The following PNPLA7 variants were observed in gnomAD, a reference collection of about 807,000 sequenced individuals.
The protein encoded by PNPLA7 is patatin like domain 7, lysophospholipase.
In PNPLA7, 153 loss-of-function variants were observed where a neutral mutation model predicts 161.7. That is an observed-to-expected ratio of 0.95 (90% CI 0.83 to 1.08). The LOEUF is 1.08. PNPLA7 is among the 50% of genes least tolerant of loss of function. The pLI is 0.00. For missense variants in PNPLA7, 1,739 were observed against 1,856.6 expected (o/e 0.94, Z 1.16); for synonymous variants, 809 against 782.1 (o/e 1.03, Z -0.57).
At chr9:137,488,160 G>T (rs896465015) in intron 20 of PNPLA7, among the ~76,000 whole-genome samples, 6 of 152,216 alleles carry the variant, frequency 3.9e-5, no homozygotes, top group Admixed American at 2.6e-4. Context: ...GTCTCGTCCC[G>T]AGCTTCACTT....
intron 8 of PNPLA7, among the ~76,000 whole-genome samples, chr9:137,526,096 A>T (rs1218354572): frequency 6.6e-6 from 1 of 152,102 alleles, no homozygotes; most frequent in Admixed American, 6.6e-5. Flanking sequence ...TTCTAGTTCC[A>T]GTATAACTAT....
chr9:137,546,007 T>C (rs538768348), intron 4 of PNPLA7, among the ~76,000 whole-genome samples: 5 of 152,096 alleles, frequency 3.3e-5, no homozygotes, highest in Non-Finnish European at 5.9e-5. Flanking sequence ...TCAGTCAGGT[T>C]CGCCCGCAGT....
intron 15 of PNPLA7, among the ~76,000 whole-genome samples, chr9:137,501,293 C>T (rs1833399965): frequency 6.6e-6 from 1 of 152,214 alleles, no homozygotes; most frequent in African/African-American, 2.4e-5. Flanking sequence ...GCCCCCGGCA[C>T]ACGCCACGCG....
chr9:137,479,497 C>A (rs890042074), intron 23 of PNPLA7: 12 of 1,200,546 alleles, frequency 1.0e-5, no homozygotes, highest in Non-Finnish European at 1.1e-5. Flanking sequence ...TCTAACACTG[C>A]CTCATAAACA....
At position 137,479,116 on chromosome 9, in the gene PNPLA7, G is replaced by A. The variant is rs557017250; in HGVS notation, c.2703C>T (p.Ser901=). ...GCGGGCAGCAGAGGTGCAGGTGGCC[G>A]GAGCACCAGCTCCGCATGTTGAGCC... ...VEWLNMRSWC[S]GHLHLCCPRR... The change falls in exon 24 of 35, where the codon TCC becomes TCT. Residue 901 remains serine (S), a synonymous_variant. Transcript: ENST00000406427. The A allele has an allele frequency of 2.2e-4, 352 of 1,598,740 alleles. 6 individuals carry two copies. In the South Asian group the frequency reaches 3.3e-3, roughly 15 times the overall value.
intron 8 of PNPLA7, 96 bp from the exon 9 acceptor site, chr9:137,522,953 G>T: frequency 6.6e-7 from 1 of 1,525,742 alleles, no homozygotes; most frequent in Non-Finnish European, 8.9e-7. Flanking sequence ...GGCCCCGCCT[G>T]CTGCCCAGTC....
At position 137,537,156 on chromosome 9, in the gene PNPLA7, T is replaced by C. The variant is rs1349310448; in HGVS notation, c.747+3486A>G. 1.3e-5 allele frequency among the ~76,000 whole-genome samples: 2 copies of C among 152,240 alleles called. No homozygotes were observed. Among genetic ancestry groups the C allele is most frequent in the South Asian group, 2.1e-4 (1 of 4,834 alleles). On this transcript the variant is annotated intron_variant, in intron 8 of 34. Transcript: ENST00000406427. The surrounding 1 kb of genome is among the most constrained non-coding windows in gnomAD (Gnocchi z 4.5). The stretch of plus-strand genomic sequence containing the variant: ...AGTGTGAGGGGACAGACGGCCACTG[T>C]TGATAAAACTTTAAGTATGTTTTTA...
At position 137,550,367 on chromosome 9, in the gene PNPLA7, GAAGAA is replaced by G. The variant is rs1297970808; in HGVS notation, c.-175_-171del. On this transcript the variant is annotated 5_prime_UTR_variant, in exon 1 of 35. An upstream open reading frame in the 5' UTR loses its in-frame stop. Coordinates refer to ENST00000406427, the MANE Select transcript of PNPLA7 (RefSeq NM_001098537.3). Reference sequence around the variant, plus strand: ...CCTGCTGAAAAAGTCTGTTCTCCAGGAAGAAAAGCTGTCTTTTGAGAAGTGTCTGT... The same window carrying G: ...CCTGCTGAAAAAGTCTGTTCTCCAGGAAGCTGTCTTTTGAGAAGTGTCTGT... 2.7e-6 allele frequency: 2 copies of G among 734,190 alleles called. No individual in the cohort carries two copies. Among genetic ancestry groups the G allele is most frequent in the Non-Finnish European group, 4.7e-6 (2 of 426,664 alleles). 45.5% of individuals were successfully genotyped at this position (734,190 alleles called of 1,614,324 possible).
rs768423731 is a variant in PNPLA7 at position 137,541,507 on chromosome 9, C to T, written c.667-785G>A. ...CTGGCGTGGGATCACAGCCCACTCC[C>T]GGGACCACAGCTGGCAGGAGCCCTG... is the stretch of plus-strand genomic sequence containing the variant. On this transcript the variant is annotated intron_variant, in intron 7 of 34. Coordinates refer to ENST00000406427, the MANE Select transcript of PNPLA7 (RefSeq NM_001098537.3). The surrounding 1 kb of genome is among the most constrained non-coding windows in gnomAD (Gnocchi z 4.4). 224 of 985,272 alleles carry T rather than the reference C, an allele frequency of 2.3e-4. No individual in the cohort carries two copies. The highest frequency in any genetic ancestry group is 2.5e-4 in the Non-Finnish European group (207 of 829,884). The allele number at this position is 985,272 out of a possible 1,614,324, so 61.0% of individuals were successfully genotyped here.
In PNPLA7 at chr9:137,515,286, C is replaced by A. The variant is rs950414285; in HGVS notation, c.1225+93G>T. On this transcript the variant is annotated intron_variant, in intron 12 of 34. Coordinates refer to ENST00000406427, the MANE Select transcript of PNPLA7 (RefSeq NM_001098537.3). ...CTCTAGTGGAGGGTGCCCGCCTCGG[C>A]GGCGATGCTGGGCATCAGTGCAGCT... 4 of 1,484,768 alleles carry A rather than the reference C, an allele frequency of 2.7e-6. No individual in the cohort carries two copies. In the African/African-American group the frequency reaches 5.7e-5, roughly 21 times the overall value. The allele number at this position is 1,484,768 out of a possible 1,614,324, so 92.0% of individuals were successfully genotyped here. A position where few individuals can be genotyped will look rare whatever the true frequency, so the allele number is the denominator to read the frequency against.
At position 137,497,251 on chromosome 9, in the gene PNPLA7, A is replaced by G; in HGVS notation, c.1949T>C (p.Ile650Thr). ...GCGCTTCTTCCCATCATCCTTCCGG[A>G]TCACAGAGCGCAGCCGGCCGCTGAG... ...IMLSGRLRSVIRKDDGKKRLA... is the reference protein window; with the variant it reads ...IMLSGRLRSVTRKDDGKKRLA... The change falls in exon 18 of 35, where the codon ATC becomes ACC. Residue 650 changes from isoleucine to threonine, a missense_variant. This residue lies in a region of PNPLA7 where 481 missense variants were observed against 450.0 expected (regional missense o/e 1.07). Transcript: ENST00000406427. 2 of 1,593,068 alleles carry G rather than the reference A, an allele frequency of 1.3e-6. No homozygotes were observed. Among genetic ancestry groups the G allele is most frequent in the Non-Finnish European group, 1.7e-6 (2 of 1,170,802 alleles).
At chr9:137,511,029 G>A (rs1347939643) in intron 12 of PNPLA7, among the ~76,000 whole-genome samples, 1 of 152,254 alleles carries the variant, frequency 6.6e-6, no homozygotes, top group African/African-American at 2.4e-5. Context: ...GAGCTGAAGG[G>A]ACATTGTGAG....
chr9:137,546,795 G>A (rs767855182), intron 4 of PNPLA7, 35 bp downstream of exon 4: 1 of 1,602,408 alleles, frequency 6.2e-7, no homozygotes, highest in Non-Finnish European at 8.5e-7. Flanking sequence ...GCTCGAGGAA[G>A]CCGTGTGCAG....
chr9:137,470,242 T>C (rs1831647959), intron 25 of PNPLA7, among the ~76,000 whole-genome samples: 1 of 152,112 alleles, frequency 6.6e-6, no homozygotes, highest in South Asian at 2.1e-4. Context: ...TCTGGAACTC[T>C]CGGGCTCAAG....
chr9:137,494,736 C>T (rs565905873), intron 19 of PNPLA7, among the ~76,000 whole-genome samples: 1 of 150,234 alleles, frequency 6.7e-6, no homozygotes, highest in East Asian at 2.0e-4. Context: ...CTCACCAGCT[C>T]CGCACCCTCA....
At chr9:137,528,710 T>C (rs1433182617) in intron 8 of PNPLA7, among the ~76,000 whole-genome samples, 1 of 151,526 alleles carries the variant, frequency 6.6e-6, no homozygotes, top group African/African-American at 2.4e-5. Flanking sequence ...TCCAGCCTTT[T>C]TTTTTTTTGA....
In PNPLA7 at chr9:137,545,685, C is replaced by T. The variant is rs1184592182; in HGVS notation, c.273+1145G>A. Reference sequence around the variant, plus strand: ...TATTCCAATATTATAATAATCCTCACTCTATAATCATAGCCTAGGAAAAAC... The same window carrying T: ...TATTCCAATATTATAATAATCCTCATTCTATAATCATAGCCTAGGAAAAAC... On this transcript the variant is annotated intron_variant, in intron 4 of 34. Transcript: ENST00000406427. Among the ~76,000 whole-genome samples the T allele has an allele frequency of 1.9e-4, 29 of 152,326 alleles. No homozygotes were observed. In the East Asian group the frequency reaches 4.6e-3, roughly 24 times the overall value.
Position 137,540,787 on chromosome 9 carries a change from G to A in PNPLA7, c.667-65C>T, listed in dbSNP as rs2132619843. ...GCTGCGACCGCGGGGCCTGGCGGAG[G>A]CTCAGCCCAGCCCAGGGCAGTGGGG... is the stretch of plus-strand genomic sequence containing the variant. On this transcript the variant is annotated intron_variant, in intron 7 of 34. Transcript: ENST00000406427. The surrounding 1 kb of genome is among the most constrained non-coding windows in gnomAD (Gnocchi z 5.1). 3.4e-6 allele frequency: 5 copies of A among 1,460,594 alleles called. No homozygotes were observed. The highest frequency in any genetic ancestry group is 4.7e-6 in the Non-Finnish European group (5 of 1,068,604). 90.5% of individuals were successfully genotyped at this position (1,460,594 alleles called of 1,614,324 possible).
chr9:137,547,260 C>G lies in PNPLA7; in HGVS notation c.193+49G>C. 6.4e-7 allele frequency: 1 copy of G among 1,564,814 alleles called. No individual in the cohort carries two copies. Among genetic ancestry groups the G allele is most frequent in the Non-Finnish European group, 8.8e-7 (1 of 1,136,440 alleles). On this transcript the variant is annotated intron_variant, in intron 3 of 34. Coordinates refer to ENST00000406427, the MANE Select transcript of PNPLA7 (RefSeq NM_001098537.3). This position sits in a 1 kb window ranked among gnomAD's most constrained non-coding sequence, Gnocchi z 4.6. ...GGCTCAAAACACATCCCAAGACACC[C>G]ACGCTTTCCCCCAACCCCCCGGGCC...
Sources: allele counts gnomAD v4.1 joint callset (sites outside exome capture counted in the v4.1 genomes callset), GRCh38; gene constraint gnomAD v4.1.1; regional missense constraint gnomAD v4.1.1; non-coding constraint Gnocchi (gnomAD v3.1); transcripts MANE v1.5; gene names NCBI Gene and HGNC (gene_info 2026-07-23, HGNC 2026-07-21).